SMURF2: variants seen among roughly 807,000 people sequenced by gnomAD.
SMURF2 encodes the protein E3 ubiquitin-protein ligase SMURF2.
In SMURF2, 48 loss-of-function variants were observed where a neutral mutation model predicts 109.6. The observed-to-expected ratio is 0.44, with a 90% confidence interval of 0.35 to 0.56. The LOEUF (loss-of-function observed/expected upper bound fraction) is 0.56, where lower values mean the gene tolerates loss of function less well. Among genes scored for constraint, SMURF2 ranks in the 20% least tolerant of loss-of-function variants. SMURF2 has a pLI of 0.01. For missense variants in SMURF2, 575 were observed against 909.0 expected (o/e 0.63, Z 4.72); for synonymous variants, 288 against 317.1 (o/e 0.91, Z 0.97).
intron 2 of SMURF2, among the ~76,000 whole-genome samples, chr17:64,603,139 C>T (rs1033648012): frequency 2.0e-5 from 3 of 150,814 alleles, no homozygotes; most frequent in African/African-American, 4.9e-5. Context: ...ACATACACAA[C>T]ATTTAGCCAA....
chr17:64,566,575 T>TTTTTTTTTTTTTTTTTG (rs1969312573), intron 10 of SMURF2, among the ~76,000 whole-genome samples: 1 of 103,264 alleles, frequency 9.7e-6, no homozygotes, highest in Non-Finnish European at 2.0e-5. Context: ...TTTTTTTTTT[T>TTTTTTTTTTTTTTTTTG]TTTTTTTTTT....
At chr17:64,651,801 T>C (rs1555693543) in intron 1 of SMURF2, among the ~76,000 whole-genome samples, 2 of 152,066 alleles carry the variant, frequency 1.3e-5, no homozygotes, top group Non-Finnish European at 2.9e-5. Flanking sequence ...TGGATGTTTG[T>C]AACCCAGCTA....
At chr17:64,571,746 C>T (rs782536232) in intron 10 of SMURF2, 52 bp downstream of exon 10, 46 of 1,512,730 alleles carry the variant, frequency 3.0e-5, no homozygotes, top group Non-Finnish European at 3.8e-5. Flanking sequence ...AGCATCTATG[C>T]GTTTCATCAT....
In SMURF2 at chr17:64,662,305, T is replaced by C. The variant is rs1970796203; in HGVS notation, c.-425A>G. ...GCTTCCTCCTCCACCCGCCCTCTTG[T>C]CTGAGGGACCCGGGACCTGGGGCCG... is the stretch of plus-strand genomic sequence containing the variant. On this transcript the variant is annotated 5_prime_UTR_variant, in exon 1 of 19. Coordinates refer to ENST00000262435, the MANE Select transcript of SMURF2 (RefSeq NM_022739.4). 4.2e-6 allele frequency: 4 copies of C among 962,466 alleles called. No individual in the cohort carries two copies. Among genetic ancestry groups the C allele is most frequent in the Admixed American group, 6.3e-5 (1 of 15,990 alleles). 59.6% of individuals were successfully genotyped at this position (962,466 alleles called of 1,614,324 possible).
rs564711286 is a variant in SMURF2 at position 64,648,007 on chromosome 17, C to T, written c.52+13822G>A. Among the ~76,000 whole-genome samples, 429 of 122,460 alleles carry T rather than the reference C, an allele frequency of 3.5e-3. 2 individuals are homozygous for T. Among genetic ancestry groups the T allele is most frequent in the African/African-American group, 0.012 (405 of 32,602 alleles). The allele number at this position is 122,460 out of a possible 152,430, so 80.3% of individuals were successfully genotyped here. A position where few individuals can be genotyped will look rare whatever the true frequency, so the allele number is the denominator to read the frequency against. ...GGAGTTCCAGGCTGTAAGTGAGCTACGATCATGCCACTGCACTCCAGCCTG... is the reference window on the plus strand; with the variant it reads ...GGAGTTCCAGGCTGTAAGTGAGCTATGATCATGCCACTGCACTCCAGCCTG... On this transcript the variant is annotated intron_variant, in intron 1 of 18. Coordinates refer to ENST00000262435, the MANE Select transcript of SMURF2 (RefSeq NM_022739.4).
At chr17:64,548,986 ATT>A (rs1968998043) in intron 16 of SMURF2, among the ~76,000 whole-genome samples, 1 of 152,032 alleles carries the variant, frequency 6.6e-6, no homozygotes, top group African/African-American at 2.4e-5. Context: ...TGTTATACAT[ATT>A]GTCTTTAAAA....
At chr17:64,658,006 AC>A (rs1970727913) in intron 1 of SMURF2, among the ~76,000 whole-genome samples, 1 of 152,108 alleles carries the variant, frequency 6.6e-6, no homozygotes, top group Admixed American at 6.6e-5. Flanking sequence ...CTCCTCAGAA[AC>A]CAAGAAAATA....
chr17:64,611,480 T>C (rs532471309), intron 1 of SMURF2, among the ~76,000 whole-genome samples: 9 of 152,256 alleles, frequency 5.9e-5, no homozygotes, highest in African/African-American at 2.2e-4. Flanking sequence ...TCCAGTTGAC[T>C]TTCTTTTCAA....
rs1969506885 is a variant in SMURF2, at chr17:64,577,305, C to CA, written c.857+1186dup. ...CATTCTCAGCCAACTATCGCAAGGC[C>CA]AAAAAAACAAACACTGCATGTTCTC... On this transcript the variant is annotated intron_variant, in intron 9 of 18. Coordinates refer to ENST00000262435, the MANE Select transcript of SMURF2 (RefSeq NM_022739.4). 2.7e-5 allele frequency among the ~76,000 whole-genome samples: 4 copies of CA among 147,506 alleles called. No homozygotes were observed. The Admixed American group carries it at 2.8e-4, about 10-fold the overall frequency.
intron 10 of SMURF2, among the ~76,000 whole-genome samples, chr17:64,566,094 T>C (rs1969296443): frequency 6.6e-6 from 1 of 151,926 alleles, no homozygotes; most frequent in African/African-American, 2.4e-5. Flanking sequence ...CCGTTAACAC[T>C]TGTCTAAAGA....
At chr17:64,661,430 A>G (rs1415488954) in intron 1 of SMURF2, among the ~76,000 whole-genome samples, 1 of 152,132 alleles carries the variant, frequency 6.6e-6, no homozygotes, top group Non-Finnish European at 1.5e-5. Context: ...TACTGCGCGC[A>G]GTCAGCAACC....
intron 6 of SMURF2, among the ~76,000 whole-genome samples, chr17:64,584,602 C>T (rs1969626425): frequency 6.6e-6 from 1 of 151,958 alleles, no homozygotes; most frequent in Non-Finnish European, 1.5e-5. Context: ...TGTAGTCCTC[C>T]CGCCTCAGCC....
chr17:64,566,375 A>T (rs1969301149), intron 10 of SMURF2, among the ~76,000 whole-genome samples: 1 of 151,810 alleles, frequency 6.6e-6, no homozygotes, highest in Non-Finnish European at 1.5e-5. Flanking sequence ...TATGACAGAA[A>T]CTTTAATGCT....
intron 1 of SMURF2, among the ~76,000 whole-genome samples, chr17:64,635,275 C>T (rs924959705): frequency 2.0e-5 from 3 of 151,504 alleles, no homozygotes; most frequent in African/African-American, 7.3e-5. Context: ...TGCGGTGAGC[C>T]GAGATCACAC....
At chr17:64,564,651 C>T (rs1445055461) in intron 10 of SMURF2, among the ~76,000 whole-genome samples, 2 of 152,108 alleles carry the variant, frequency 1.3e-5, no homozygotes, top group Non-Finnish European at 2.9e-5. Flanking sequence ...GGACAGAAGA[C>T]AAAGACTGGA....
chr17:64,642,801 T>C (rs1432904075), intron 1 of SMURF2, among the ~76,000 whole-genome samples: 2 of 151,914 alleles, frequency 1.3e-5, no homozygotes, highest in Non-Finnish European at 2.9e-5. Flanking sequence ...TTTATTTATT[T>C]ATTTATTTTT....
rs547521489 is a variant in SMURF2, at chr17:64,583,231, A to T, written c.569+230T>A. On this transcript the variant is annotated intron_variant, in intron 7 of 18. Coordinates refer to ENST00000262435, the MANE Select transcript of SMURF2 (RefSeq NM_022739.4). ...CACCACGCCCTGCCTCATTCAATAA[A>T]TATTTATTGAGTACCACTGCAGGCC... 9.8e-5 allele frequency among the ~76,000 whole-genome samples: 15 copies of T among 152,296 alleles called. No individual in the cohort carries two copies. In the East Asian group the frequency reaches 1.7e-3, roughly 18 times the overall value.
At chr17:64,613,672 CAGTGTGTGTGTGTGTGTGTGTG>C (rs1402320770) in intron 1 of SMURF2, among the ~76,000 whole-genome samples, 31 of 53,722 alleles carry the variant, frequency 5.8e-4, no homozygotes, top group African/African-American at 2.0e-3. Flanking sequence ...TTCCACGGAC[CAGTGTGTGTGTGTGTGTGTGTG>C]TGTGTGTGTG....
intron 12 of SMURF2, among the ~76,000 whole-genome samples, chr17:64,558,161 G>T (rs1239495267): frequency 6.6e-6 from 1 of 152,082 alleles, no homozygotes; most frequent in Non-Finnish European, 1.5e-5. Context: ...GCACTTTGGG[G>T]GGCCAAGACA....
Sources: allele counts gnomAD v4.1 joint callset (sites outside exome capture counted in the v4.1 genomes callset), GRCh38; gene constraint gnomAD v4.1.1; transcripts MANE v1.5; gene names NCBI Gene and HGNC (gene_info 2026-07-23, HGNC 2026-07-21).